ERBB4: variants seen among roughly 807,000 people sequenced by gnomAD.
The protein encoded by ERBB4 is erb-b2 receptor tyrosine kinase 4, also known as receptor tyrosine-protein kinase erbB-4.
A neutral mutation model predicts 158.0 loss-of-function variants in ERBB4; 42 were observed. That is an observed-to-expected ratio of 0.27 (90% confidence interval 0.21 to 0.34). The LOEUF is 0.34. ERBB4 is among the 10% of genes least tolerant of loss of function. The probability of loss-of-function intolerance (pLI) is 1.00; values close to 1 mark genes in which losing one functional copy is unlikely to be tolerated. For missense variants in ERBB4, 1,333 were observed against 1,624.1 expected, an observed-to-expected ratio of 0.82 and a Z score of 3.08; for synonymous variants, 583 against 558.7, an observed-to-expected ratio of 1.04 and a Z score of -0.61.
intron 3 of ERBB4, among the ~76,000 whole-genome samples, chr2:211,931,513 T>C (rs1382370511): frequency 6.6e-6 from 1 of 152,030 alleles, no homozygotes; most frequent in Non-Finnish European, 1.5e-5. Context: ...TCCTCACTTG[T>C]TCTAAGCAGA....
rs1045576368 is a variant in ERBB4 at position 212,038,877 on chromosome 2, G to T, written c.234+85875C>A. The stretch of plus-strand genomic sequence containing the variant: ...GATATGAACATCTTCTCTAGGGCAT[G>T]ATCGGGGAAGAGAAGAAAAGTAAAG... On this transcript the variant is annotated intron_variant, in intron 2 of 27. Coordinates refer to ENST00000342788, the MANE Select transcript of ERBB4 (RefSeq NM_005235.3). Among the ~76,000 whole-genome samples the T allele has an allele frequency of 3.9e-5, 6 of 152,224 alleles. No homozygotes were observed. The East Asian group carries it at 1.2e-3, about 29-fold the overall frequency.
rs770189522 is a variant in ERBB4 at position 211,657,933 on chromosome 2, G to A, written c.1872-105C>T. 5 of 1,609,164 alleles carry A rather than the reference G, an allele frequency of 3.1e-6. No individual in the cohort carries two copies. The Admixed American group carries it at 6.7e-5, about 21-fold the overall frequency. On this transcript the variant is annotated intron_variant, in intron 15 of 27. Transcript: ENST00000342788. ...GAGCCTTGGAGGAAGAACATGGGAA[G>A]CAAGCACACCAAGTACCTATCCATC...
Position 211,393,682 on chromosome 2 carries a change from A to G in ERBB4, c.3136-5690T>C, listed in dbSNP as rs80013480. On this transcript the variant is annotated intron_variant, in intron 25 of 27. Coordinates refer to ENST00000342788, the MANE Select transcript of ERBB4 (RefSeq NM_005235.3). ...CTCCACCCCACTTATTTTCACTTAA[A>G]TTAGTTACAAGGACATAAACTGGAA... Among the ~76,000 whole-genome samples, 108 of 152,036 alleles carry G rather than the reference A, an allele frequency of 7.1e-4. 3 individuals carry two copies. In the East Asian group the frequency reaches 0.018, roughly 25 times the overall value.
At chr2:212,167,899 C>G (rs1291379818) in intron 1 of ERBB4, among the ~76,000 whole-genome samples, 3 of 151,814 alleles carry the variant, frequency 2.0e-5, no homozygotes, top group Non-Finnish European at 2.9e-5. Flanking sequence ...TGAAAACACA[C>G]GGACACAGGA....
At chr2:211,515,534 A>G (rs746751880) in intron 20 of ERBB4, among the ~76,000 whole-genome samples, 16 of 152,222 alleles carry the variant, frequency 1.1e-4, no homozygotes, top group East Asian at 5.8e-4. Flanking sequence ...AAGATTAGAA[A>G]GAGAAGTTAA....
At chr2:211,905,713 T>C (rs1415295040) in intron 3 of ERBB4, among the ~76,000 whole-genome samples, 3 of 124,408 alleles carry the variant, frequency 2.4e-5, no homozygotes, top group Admixed American at 8.4e-5. Flanking sequence ...TGTGTGTGTA[T>C]ATATGTGTGT....
intron 1 of ERBB4, among the ~76,000 whole-genome samples, chr2:212,141,158 A>G (rs1461763788): frequency 6.6e-6 from 1 of 151,970 alleles, no homozygotes; most frequent in Non-Finnish European, 1.5e-5. Context: ...TGAAATACTT[A>G]TATGCTGAAG....
chr2:211,418,571 A>C (rs1022078996), intron 25 of ERBB4, among the ~76,000 whole-genome samples: 3 of 152,166 alleles, frequency 2.0e-5, no homozygotes, highest in Non-Finnish European at 4.4e-5. Flanking sequence ...AACCTTTATT[A>C]AGAATTTCTT....
chr2:211,887,678 A>G (rs889923011), intron 3 of ERBB4, among the ~76,000 whole-genome samples: 2 of 152,142 alleles, frequency 1.3e-5, no homozygotes, highest in Non-Finnish European at 2.9e-5. Flanking sequence ...ACTTCATAAT[A>G]TTCCTCCAGT....
chr2:212,033,197 C>A (rs1309405835), intron 2 of ERBB4, among the ~76,000 whole-genome samples: 1 of 151,926 alleles, frequency 6.6e-6, no homozygotes, highest in Non-Finnish European at 1.5e-5. Flanking sequence ...ATTCCCAAAT[C>A]TTTCACTTAT....
At chr2:212,138,403 T>C (rs892716551) in intron 1 of ERBB4, among the ~76,000 whole-genome samples, 1 of 152,086 alleles carries the variant, frequency 6.6e-6, no homozygotes, top group Non-Finnish European at 1.5e-5. Context: ...CCAAAACAGA[T>C]TGAAACTTAA....
At chr2:211,919,076 C>A (rs2079787867) in intron 3 of ERBB4, among the ~76,000 whole-genome samples, 2 of 151,980 alleles carry the variant, frequency 1.3e-5, no homozygotes, top group South Asian at 4.1e-4. Flanking sequence ...TTTCCCAGTT[C>A]CTTACAAATA....
In ERBB4 at chr2:211,383,592, C is replaced by T. The variant is rs2125307420; in HGVS notation, c.*23G>A. The stretch of plus-strand genomic sequence containing the variant: ...GGAAATTGGAGCAGGTGTGTCTCTC[C>T]ACCTAAAAAACCACAACTGAGCTTA... On this transcript the variant is annotated 3_prime_UTR_variant, in exon 28 of 28. Coordinates refer to ENST00000342788, the MANE Select transcript of ERBB4 (RefSeq NM_005235.3). The T allele has an allele frequency of 6.2e-7, 1 of 1,603,060 alleles. No homozygotes were observed. The highest frequency in any genetic ancestry group is 8.5e-7 in the Non-Finnish European group (1 of 1,171,858).
intron 1 of ERBB4, among the ~76,000 whole-genome samples, chr2:212,291,401 A>T (rs1253670157): frequency 6.6e-6 from 1 of 152,140 alleles, no homozygotes; most frequent in African/African-American, 2.4e-5. Flanking sequence ...TATTTTAAAA[A>T]GTCTTTTTAC....
At chr2:212,089,357 C>T (rs377473446) in intron 2 of ERBB4, among the ~76,000 whole-genome samples, 49 of 152,232 alleles carry the variant, frequency 3.2e-4, no homozygotes, top group African/African-American at 1.1e-3. Flanking sequence ...CTTATTCTTC[C>T]TGGCTGAATT....
intron 1 of ERBB4, among the ~76,000 whole-genome samples, chr2:212,373,777 G>GTATATATCCACGTATATATATCCATA (rs1560144956): frequency 2.9e-5 from 2 of 69,190 alleles, no homozygotes; most frequent in African/African-American, 5.9e-5. Context: ...ATATATCCAT[G>GTATATATCCACGTATATATATCCATA]TATATATCCA....
At chr2:212,367,636 C>T (rs1163708260) in intron 1 of ERBB4, among the ~76,000 whole-genome samples, 2 of 151,998 alleles carry the variant, frequency 1.3e-5, no homozygotes, top group Non-Finnish European at 2.9e-5. Context: ...GAACAGTCAG[C>T]AGAGAAAACA....
intron 17 of ERBB4, among the ~76,000 whole-genome samples, chr2:211,627,001 T>C (rs2069885337): frequency 1.3e-5 from 2 of 151,346 alleles, no homozygotes; most frequent in African/African-American, 4.8e-5. Flanking sequence ...AATGACGGTT[T>C]GAAGGACATT....
intron 6 of ERBB4, among the ~76,000 whole-genome samples, chr2:211,724,294 A>G (rs1032987050): frequency 2.0e-5 from 3 of 151,940 alleles, no homozygotes; most frequent in African/African-American, 4.8e-5. Context: ...ATTACTGTCT[A>G]TATCATAAGA....
Sources: gnomAD v4.1 joint callset for allele counts (sites outside exome capture counted in the v4.1 genomes callset) on GRCh38, gnomAD v4.1.1 for gene constraint, MANE v1.5 for transcripts, NCBI Gene and HGNC (gene_info 2026-07-23, HGNC 2026-07-21) for gene names.